KCNS3: variants seen among roughly 807,000 people sequenced by gnomAD.
KCNS3 encodes the protein potassium voltage-gated channel modifier subfamily S member 3.
In KCNS3, 13 loss-of-function variants were observed where a neutral mutation model predicts 31.0. The ratio of observed to expected loss-of-function variants is 0.42; its 90% CI spans 0.27 to 0.67. KCNS3 has a LOEUF of 0.67. Ranked by LOEUF, KCNS3 falls within the 30% of genes least tolerant of loss-of-function variation. KCNS3 has a pLI of 0.25. For synonymous variants in KCNS3, 238 were observed against 241.5 expected (o/e 0.99, Z 0.13); for missense variants, 545 against 622.4 (o/e 0.88, Z 1.32).
At chr2:17,908,518 T>C (rs1662392905) in intron 1 of KCNS3, among the ~76,000 whole-genome samples, 1 of 152,222 alleles carries the variant, frequency 6.6e-6, no homozygotes, top group South Asian at 2.1e-4. Context: ...TGCATCCCTA[T>C]GGAGGGGGAG....
rs539185172 is a variant in KCNS3 at position 17,901,427 on chromosome 2, G to A, written c.-251-16253G>A. On this transcript the variant is annotated intron_variant, in intron 1 of 2. Transcript: ENST00000304101. ...AGGCCTCCGTGGCGAGGGAAAAGGA[G>A]GAGCCTAGGATGATCTCCAGGTGTC... 1.3e-4 allele frequency among the ~76,000 whole-genome samples: 20 copies of A among 152,324 alleles called. No homozygotes were observed. The South Asian group carries it at 4.1e-3, about 32-fold the overall frequency.
chr2:17,922,917 A>G (rs1662751569), intron 2 of KCNS3, among the ~76,000 whole-genome samples: 1 of 152,158 alleles, frequency 6.6e-6, no homozygotes, highest in Non-Finnish European at 1.5e-5. Flanking sequence ...CATTACATAC[A>G]GTTTTTGTTT....
intron 1 of KCNS3, among the ~76,000 whole-genome samples, chr2:17,886,269 G>C (rs1341521826): frequency 6.6e-6 from 1 of 152,174 alleles, no homozygotes; most frequent in Non-Finnish European, 1.5e-5. Flanking sequence ...ACATGCCATG[G>C]TGAACCGAAA....
At chr2:17,893,965 T>A (rs867259071) in intron 1 of KCNS3, among the ~76,000 whole-genome samples, 1 of 134,624 alleles carries the variant, frequency 7.4e-6, no homozygotes, top group African/African-American at 2.7e-5. Flanking sequence ...TTTTTTTTTT[T>A]TAATATATCT....
intron 2 of KCNS3, among the ~76,000 whole-genome samples, chr2:17,921,913 G>A (rs4036860): frequency 0.044 from 1,467 of 33,380 alleles, 13 homozygotes; most frequent in East Asian, 0.18. Flanking sequence ...GTGTGTGTGT[G>A]TGTATATATA....
At chr2:17,903,153 G>T (rs1381092021) in intron 1 of KCNS3, among the ~76,000 whole-genome samples, 1 of 152,184 alleles carries the variant, frequency 6.6e-6, no homozygotes, top group Non-Finnish European at 1.5e-5. Flanking sequence ...AATGGAAGCA[G>T]CCAGTAGCTA....
chr2:17,915,931 A>C (rs1489555579), intron 1 of KCNS3, among the ~76,000 whole-genome samples: 1 of 152,120 alleles, frequency 6.6e-6, no homozygotes, highest in Non-Finnish European at 1.5e-5. Context: ...ACAGCCTGGG[A>C]TGTCATTTAT....
intron 1 of KCNS3, among the ~76,000 whole-genome samples, chr2:17,911,971 A>G (rs1203112634): frequency 1.3e-5 from 2 of 152,236 alleles, no homozygotes; most frequent in Non-Finnish European, 2.9e-5. Context: ...CAGACTTAGT[A>G]TAAGGAAGCT....
intron 2 of KCNS3, among the ~76,000 whole-genome samples, chr2:17,921,066 TGTAC>T (rs1351860214): frequency 1.3e-5 from 2 of 152,168 alleles, no homozygotes; most frequent in Non-Finnish European, 1.5e-5. Flanking sequence ...TTCAGTTACA[TGTAC>T]TCATTGCCTG....
rs371270173 is a variant in KCNS3 at position 17,887,267 on chromosome 2, C to G, written c.-252+8461C>G. Reference sequence around the variant, plus strand: ...TTGTACTCTTTTAATCCCTCCCCCACTCCCACTCTTCCCCCTGAGTCCCCA... The same window carrying G: ...TTGTACTCTTTTAATCCCTCCCCCAGTCCCACTCTTCCCCCTGAGTCCCCA... On this transcript the variant is annotated intron_variant, in intron 1 of 2. Transcript: ENST00000304101. Among the ~76,000 whole-genome samples, 15 of 152,148 alleles carry G rather than the reference C, an allele frequency of 9.9e-5. No individual in the cohort carries two copies. The East Asian group carries it at 2.1e-3, about 22-fold the overall frequency.
intron 1 of KCNS3, among the ~76,000 whole-genome samples, chr2:17,881,654 G>T (rs1169143105): frequency 1.3e-5 from 2 of 152,234 alleles, no homozygotes; most frequent in East Asian, 3.9e-4. Context: ...GCCCGGAAAA[G>T]GTGAAGCTAG....
intron 1 of KCNS3, among the ~76,000 whole-genome samples, chr2:17,886,162 A>G (rs1661650353): frequency 6.6e-6 from 1 of 152,244 alleles, no homozygotes. Context: ...TAGAGATAAA[A>G]GAATGCCAGC....
chr2:17,895,396 T>C (rs1303496836), intron 1 of KCNS3, among the ~76,000 whole-genome samples: 1 of 152,170 alleles, frequency 6.6e-6, no homozygotes, highest in Admixed American at 6.5e-5. Context: ...TTCTACAACA[T>C]GTCAGGTGCT....
At chr2:17,928,035 C>T (rs1392352254) in intron 2 of KCNS3, among the ~76,000 whole-genome samples, 4 of 152,172 alleles carry the variant, frequency 2.6e-5, no homozygotes, top group African/African-American at 9.7e-5. Context: ...TGTCACAGGC[C>T]ATTGGTCACT....
intron 1 of KCNS3, among the ~76,000 whole-genome samples, chr2:17,916,897 G>C (rs1339717877): frequency 6.6e-6 from 1 of 151,240 alleles, no homozygotes; most frequent in Non-Finnish European, 1.5e-5. Context: ...TTTTGGACCT[G>C]GTGTGGATTG....
At chr2:17,892,725 C>A (rs532292545) in intron 1 of KCNS3, among the ~76,000 whole-genome samples, 3 of 152,252 alleles carry the variant, frequency 2.0e-5, no homozygotes, top group South Asian at 2.1e-4. Flanking sequence ...AGCCACCCAG[C>A]GAGTCTGCCC....
At chr2:17,909,540 C>T (rs1422490954) in intron 1 of KCNS3, among the ~76,000 whole-genome samples, 1 of 152,186 alleles carries the variant, frequency 6.6e-6, no homozygotes, top group South Asian at 2.1e-4. Flanking sequence ...CACTCGTCTT[C>T]TGCGTTGCTC....
chr2:17,900,292 AG>A (rs1429369470), intron 1 of KCNS3, among the ~76,000 whole-genome samples: 17 of 152,288 alleles, frequency 1.1e-4, no homozygotes, highest in Non-Finnish European at 1.9e-4. Flanking sequence ...CAGCAAGTTA[AG>A]TACTCTGATG....
Position 17,932,369 on chromosome 2 carries a change from G to T in KCNS3, c.1361G>T (p.Ser454Ile). The T allele has an allele frequency of 6.2e-7, 1 of 1,614,100 alleles. No homozygotes were observed. The stretch of plus-strand genomic sequence containing the variant: ...CAGCGGATGCACACCTTCATTACCA[G>T]TCTCTCTTCTGTAGGCATTGTGGTG... ...YAQRMHTFIT[S>I]LSSVGIVVSD... The change falls in exon 3 of 3, where the codon AGT becomes ATT. Residue 454 changes from serine to isoleucine, a missense_variant. Transcript: ENST00000304101.
Sources: allele counts gnomAD v4.1 joint callset (sites outside exome capture counted in the v4.1 genomes callset), GRCh38; gene constraint gnomAD v4.1.1; transcripts MANE v1.5; gene names NCBI Gene and HGNC (gene_info 2026-07-23, HGNC 2026-07-21).